Variants in GRIK2 observed in about 807,000 individuals in gnomAD.
The protein encoded by GRIK2 is glutamate ionotropic receptor kainate type subunit 2, also known as glutamate receptor ionotropic, kainate 2.
A neutral mutation model predicts 100.3 loss-of-function variants in GRIK2; 32 were observed. The observed-to-expected ratio is 0.32, with a 90% CI of 0.24 to 0.43. GRIK2 has a LOEUF of 0.43. GRIK2 is among the 20% of genes least tolerant of loss of function. The pLI is 1.00. For missense variants in GRIK2, 843 were observed against 1,114.9 expected, an observed-to-expected ratio of 0.76 and a Z score of 3.47; for synonymous variants, 417 against 389.4, an observed-to-expected ratio of 1.07 and a Z score of -0.83.
chr6:101,777,952 T>A (rs1778854489), intron 7 of GRIK2, among the ~76,000 whole-genome samples: 1 of 152,212 alleles, frequency 6.6e-6, no homozygotes, highest in Admixed American at 6.5e-5. Flanking sequence ...GGGTAATACA[T>A]TCTAGCTAAA....
At chr6:101,784,428 C>T (rs533689573) in intron 7 of GRIK2, among the ~76,000 whole-genome samples, 1 of 152,344 alleles carries the variant, frequency 6.6e-6, no homozygotes, top group East Asian at 1.9e-4. Flanking sequence ...CTTGCCTTGT[C>T]TCAGAGGAGA....
chr6:101,576,898 ATGTCCT>A (rs1777815814), intron 2 of GRIK2, among the ~76,000 whole-genome samples: 1 of 152,010 alleles, frequency 6.6e-6, no homozygotes, highest in South Asian at 2.1e-4. Context: ...GAAAAAAAAA[ATGTCCT>A]TGTAGTACAT....
chr6:101,937,017 A>T (rs953058651), intron 14 of GRIK2, among the ~76,000 whole-genome samples: 9 of 152,150 alleles, frequency 5.9e-5, no homozygotes, highest in African/African-American at 2.2e-4. Flanking sequence ...AAGGAGCAGC[A>T]ACTTTTATCT....
chr6:101,746,901 G>A (rs993133943), intron 7 of GRIK2, among the ~76,000 whole-genome samples: 1 of 152,114 alleles, frequency 6.6e-6, no homozygotes, highest in Non-Finnish European at 1.5e-5. Flanking sequence ...ATATGGTTGT[G>A]TTCTCCTATG....
chr6:101,699,758 G>C (rs1018184764), intron 7 of GRIK2, among the ~76,000 whole-genome samples: 1 of 152,076 alleles, frequency 6.6e-6, no homozygotes, highest in African/African-American at 2.4e-5. Context: ...TCTCAGTAAA[G>C]CCAAATATAC....
chr6:101,923,160 A>T (rs564389458), intron 12 of GRIK2, among the ~76,000 whole-genome samples: 1 of 152,182 alleles, frequency 6.6e-6, no homozygotes, highest in African/African-American at 2.4e-5. Flanking sequence ...CTGAATTTTC[A>T]TATGTCAGGA....
At chr6:101,963,509 C>CTTTTTTTTTTTTTTTTT (rs770178884) in intron 14 of GRIK2, among the ~76,000 whole-genome samples, 50 of 106,084 alleles carry the variant, frequency 4.7e-4, no homozygotes, top group East Asian at 8.2e-4. Flanking sequence ...TTCTTTCTTT[C>CTTTTTTTTTTTTTTTTT]TTTTTTTTTT....
intron 14 of GRIK2, among the ~76,000 whole-genome samples, chr6:101,936,581 A>G (rs1790632440): frequency 6.6e-6 from 1 of 152,078 alleles, no homozygotes; most frequent in African/African-American, 2.4e-5. Context: ...CATCTAACAC[A>G]CAATTTATTG....
intron 7 of GRIK2, among the ~76,000 whole-genome samples, chr6:101,780,653 C>G (rs1224997616): frequency 6.6e-6 from 1 of 152,176 alleles, no homozygotes; most frequent in Non-Finnish European, 1.5e-5. Context: ...CCACTTCTCT[C>G]TTCCTCTGTT....
intron 2 of GRIK2, among the ~76,000 whole-genome samples, chr6:101,529,948 G>A (rs1775346646): frequency 6.6e-6 from 1 of 151,968 alleles, no homozygotes; most frequent in Admixed American, 6.6e-5. Context: ...GGTAAATAAT[G>A]GCACTTCTAA....
intron 10 of GRIK2, among the ~76,000 whole-genome samples, chr6:101,826,688 T>G (rs1782355691): frequency 6.6e-6 from 1 of 152,044 alleles, no homozygotes; most frequent in South Asian, 2.1e-4. Flanking sequence ...ATCTTTCCCT[T>G]GTAAATTAAA....
At chr6:101,706,795 A>G (rs2128356155) in intron 7 of GRIK2, among the ~76,000 whole-genome samples, 1 of 152,034 alleles carries the variant, frequency 6.6e-6, no homozygotes, top group East Asian at 1.9e-4. Context: ...TGCCAAGCTC[A>G]ATCACTGGCT....
chr6:101,556,507 T>A (rs1050246052), intron 2 of GRIK2, among the ~76,000 whole-genome samples: 21 of 151,700 alleles, frequency 1.4e-4, no homozygotes, highest in African/African-American at 4.6e-4. Flanking sequence ...AATGAACAGC[T>A]GTTCATTTGT....
intron 12 of GRIK2, among the ~76,000 whole-genome samples, chr6:101,909,381 T>TTTTG (rs1562480959): frequency 2.2e-5 from 3 of 136,176 alleles, no homozygotes; most frequent in South Asian, 2.3e-4. Flanking sequence ...GTTTTCTTTT[T>TTTTG]CTTTTTTTTT....
At chr6:101,539,667 T>G (rs1775890981) in intron 2 of GRIK2, among the ~76,000 whole-genome samples, 1 of 151,784 alleles carries the variant, frequency 6.6e-6, no homozygotes, top group African/African-American at 2.4e-5. Context: ...ACATGACATC[T>G]CTAAGTACAT....
intron 9 of GRIK2, among the ~76,000 whole-genome samples, chr6:101,807,982 A>G (rs984720791): frequency 6.6e-6 from 1 of 152,078 alleles, no homozygotes; most frequent in Non-Finnish European, 1.5e-5. Flanking sequence ...ATCATCACCA[A>G]CAATAAAATT....
In GRIK2 at chr6:101,796,822, G is replaced by A. The variant is rs78987997; in HGVS notation, c.952-2826G>A. On this transcript the variant is annotated intron_variant, in intron 7 of 16. Transcript: ENST00000369134. Reference sequence around the variant, plus strand: ...TACCCTTCCAAGTAGCTGGGCTACAGATGTGTGCCACTGTGCCCAGCTATA... The same window carrying A: ...TACCCTTCCAAGTAGCTGGGCTACAAATGTGTGCCACTGTGCCCAGCTATA... Among the ~76,000 whole-genome samples, 81 of 152,238 alleles carry A rather than the reference G, an allele frequency of 5.3e-4. 2 individuals are homozygous for A. The East Asian group carries it at 0.014, about 27-fold the overall frequency.
At chr6:101,686,106 G>C in intron 6 of GRIK2, 74 bp from the exon 7 acceptor site, 1 of 1,266,454 alleles carries the variant, frequency 7.9e-7, no homozygotes, top group Non-Finnish European at 1.1e-6. Context: ...AACAAAAAAA[G>C]TGACTATTTC....
intron 2 of GRIK2, among the ~76,000 whole-genome samples, chr6:101,529,876 C>G (rs950911039): frequency 1.3e-5 from 2 of 152,022 alleles, no homozygotes; most frequent in Non-Finnish European, 2.9e-5. Context: ...AAATACAATT[C>G]ATTTTTATTA....
Sources: gnomAD v4.1 joint callset for allele counts (sites outside exome capture counted in the v4.1 genomes callset) on GRCh38, gnomAD v4.1.1 for gene constraint, MANE v1.5 for transcripts, NCBI Gene and HGNC (gene_info 2026-07-23, HGNC 2026-07-21) for gene names.